Variants in ZC3H18 observed in about 807,000 individuals in gnomAD.
ZC3H18 encodes the protein zinc finger CCCH domain-containing protein 18.
ZC3H18 carries 8 observed loss-of-function variants against 106.1 expected under a neutral mutation model. The ratio of observed to expected loss-of-function variants is 0.08; its 90% CI spans 0.04 to 0.14. The LOEUF is 0.14. ZC3H18 is among the 10% of genes least tolerant of loss of function. ZC3H18 has a pLI of 1.00. For missense variants in ZC3H18, 1,318 were observed against 1,278.4 expected (o/e 1.03, Z -0.47); for synonymous variants, 635 against 522.1 (o/e 1.22, Z -2.95).
At chr16:88,576,807 AACT>A (rs1404982583) in intron 1 of ZC3H18, among the ~76,000 whole-genome samples, 2 of 152,330 alleles carry the variant, frequency 1.3e-5, no homozygotes, top group African/African-American at 2.4e-5. Context: ...ACTTTCTGTT[AACT>A]CGTGTGGGCT....
intron 2 of ZC3H18, among the ~76,000 whole-genome samples, chr16:88,580,241 T>C (rs1915042617): frequency 6.7e-6 from 1 of 149,938 alleles, no homozygotes; most frequent in Non-Finnish European, 1.5e-5. Flanking sequence ...CTGCTTCCCC[T>C]ATTCCCAAGA....
At chr16:88,609,634 C>CTT (rs950068567) in intron 7 of ZC3H18, among the ~76,000 whole-genome samples, 2 of 152,100 alleles carry the variant, frequency 1.3e-5, no homozygotes, top group African/African-American at 4.8e-5. Flanking sequence ...GAGTTTAACT[C>CTT]TGTCACCCAG....
chr16:88,623,704 C>G, intron 10 of ZC3H18: 2 of 611,568 alleles, frequency 3.3e-6, no homozygotes, highest in Non-Finnish European at 5.4e-6. Flanking sequence ...CTCCTCCTGT[C>G]CTGCACACAC....
intron 9 of ZC3H18, 42 bp from the exon 10 acceptor site, chr16:88,623,177 G>T: frequency 1.3e-6 from 2 of 1,599,748 alleles, no homozygotes; most frequent in Non-Finnish European, 8.5e-7. Flanking sequence ...GGCAGGGAGG[G>T]CCCTTCTCAC....
At chr16:88,625,155 G>A in intron 12 of ZC3H18, 47 bp from the exon 13 acceptor site, 1 of 1,552,844 alleles carries the variant, frequency 6.4e-7, no homozygotes, top group East Asian at 2.4e-5. Context: ...GCCGCGAGGG[G>A]CTGTGGAGGC....
In ZC3H18 at chr16:88,623,975, C is replaced by T. The variant is rs772268865; in HGVS notation, c.1811C>T (p.Ser604Leu). The T allele has an allele frequency of 6.6e-5, 106 of 1,611,992 alleles. No individual in the cohort carries two copies. The highest frequency in any genetic ancestry group is 4.3e-4 in the Admixed American group (26 of 59,832). Residue 604 changes from serine (S) to leucine (L), a missense_variant, in exon 11 of 18, where the codon TCG becomes TTG. This residue lies in a region of ZC3H18 where 848 missense variants were observed against 821.7 expected (regional missense o/e 1.03). Transcript: ENST00000301011. ...GSRSRSRSFS[S>L]SPSPSPTPSP... ...TCCCCTAGGTCCCGGTCCTTCTCTT[C>T]GTCCCCGTCCCCGTCCCCAACACCT...
rs1237825578 is a variant in ZC3H18 at position 88,623,229 on chromosome 16, C to T, written c.1678C>T (p.Arg560Trp). 6.2e-7 allele frequency: 1 copy of T among 1,613,048 alleles called. No individual in the cohort carries two copies. Among genetic ancestry groups the T allele is most frequent in the Non-Finnish European group, 8.5e-7 (1 of 1,179,926 alleles). The part of the protein sequence containing the change: ...SASNSSRSSS[R>W]SSSYSGSGSS... ...TCCCGCCCGCCCCAGGTCGTCTTCG[C>T]GGTCATCGTCCTACTCTGGCTCCGG... Residue 560 changes from arginine (R) to tryptophan (W), a missense_variant, in exon 10 of 18, where the codon CGG (arginine) becomes TGG (tryptophan). By Grantham distance (101) the Arg-to-Trp change is moderately radical (BLOSUM62 -3). Around this residue, in one of 6 missense-constraint regions of ZC3H18, gnomAD observed 848 missense variants for 821.7 expected, o/e 1.03. Transcript: ENST00000301011.
chr16:88,600,049 A>T (rs916228784), intron 6 of ZC3H18, 101 bp downstream of exon 6: 29 of 1,395,756 alleles, frequency 2.1e-5, no homozygotes, highest in Middle Eastern at 4.7e-4. Context: ...CTCGGCTGAG[A>T]CCCAGCCCCA....
At chr16:88,575,775 G>T (rs1289759804) in intron 1 of ZC3H18, among the ~76,000 whole-genome samples, 1 of 151,640 alleles carries the variant, frequency 6.6e-6, no homozygotes, top group Non-Finnish European at 1.5e-5. Context: ...GCACATTGAT[G>T]CAGTCTTGGC....
chr16:88,605,080 G>A (rs1904947003), intron 6 of ZC3H18, among the ~76,000 whole-genome samples: 3 of 152,242 alleles, frequency 2.0e-5, no homozygotes, highest in Admixed American at 2.0e-4. Context: ...TCAGGTAACA[G>A]GTCTACCAGA....
At chr16:88,581,688 G>T (rs945805833) in intron 2 of ZC3H18, among the ~76,000 whole-genome samples, 1 of 152,194 alleles carries the variant, frequency 6.6e-6, no homozygotes, top group East Asian at 1.9e-4. Context: ...AGAGAGCTGG[G>T]TGCAGCAGGC....
chr16:88,613,996 G>A (rs200051484), intron 8 of ZC3H18, among the ~76,000 whole-genome samples: 1 of 152,186 alleles, frequency 6.6e-6, no homozygotes, highest in Non-Finnish European at 1.5e-5. Flanking sequence ...TTGTGTCACC[G>A]TCCCCGTGGG....
At chr16:88,624,498 G>T in intron 11 of ZC3H18, 104 bp from the exon 12 acceptor site, 1 of 1,547,136 alleles carries the variant, frequency 6.5e-7, no homozygotes, top group Non-Finnish European at 8.8e-7. Context: ...AGCGTCACAG[G>T]CATGCAGTGT....
intron 8 of ZC3H18, among the ~76,000 whole-genome samples, chr16:88,617,290 C>T (rs371017493): frequency 9.5e-5 from 14 of 147,984 alleles, no homozygotes; most frequent in Admixed American, 6.8e-4. Context: ...CAGCTCCCCC[C>T]TGGACCTGCG....
chr16:88,586,925 C>T (rs1281988489), intron 3 of ZC3H18, among the ~76,000 whole-genome samples: 4 of 152,184 alleles, frequency 2.6e-5, no homozygotes, highest in Non-Finnish European at 5.9e-5. Context: ...TGGTCATTCT[C>T]ATTCTCACAC....
At position 88,622,560 on chromosome 16, in the gene ZC3H18, G is replaced by A. The variant is rs1906033151; in HGVS notation, c.1667+172G>A. 3 of 704,172 alleles carry A rather than the reference G, an allele frequency of 4.3e-6. No individual in the cohort carries two copies. The African/African-American group carries it at 5.4e-5, about 13-fold the overall frequency. 43.6% of individuals were successfully genotyped at this position (704,172 alleles called of 1,614,324 possible). On this transcript the variant is annotated intron_variant, in intron 9 of 17. Coordinates refer to ENST00000301011, the MANE Select transcript of ZC3H18 (RefSeq NM_144604.4). ...CCGGCGTTTATACCTTCAGCAAAGA[G>A]CATCAATGCCAAGTAGGACTGACGC... is the stretch of plus-strand genomic sequence containing the variant.
At position 88,631,438 on chromosome 16, in the gene ZC3H18, G is replaced by T; in HGVS notation, c.*139G>T. On this transcript the variant is annotated 3_prime_UTR_variant, in exon 18 of 18. Coordinates refer to ENST00000301011, the MANE Select transcript of ZC3H18 (RefSeq NM_144604.4). Reference sequence around the variant, plus strand: ...AAAAAAAAGTTTCTCAGCTGGAAAAGAAGCCACACAGGAAATGACAACGAC... The same window carrying T: ...AAAAAAAAGTTTCTCAGCTGGAAAATAAGCCACACAGGAAATGACAACGAC... 1.7e-6 allele frequency: 2 copies of T among 1,206,282 alleles called. No homozygotes were observed. Among genetic ancestry groups the T allele is most frequent in the East Asian group, 2.6e-5 (1 of 38,744 alleles). The allele number at this position is 1,206,282 out of a possible 1,614,324, so 74.7% of individuals were successfully genotyped here.
chr16:88,595,863 A>C (rs1904410187), intron 3 of ZC3H18, among the ~76,000 whole-genome samples: 2 of 152,198 alleles, frequency 1.3e-5, no homozygotes, highest in South Asian at 4.1e-4. Flanking sequence ...GAAGGCAAGA[A>C]AATAAAATCT....
intron 16 of ZC3H18, among the ~76,000 whole-genome samples, chr16:88,629,919 G>C (rs1906553574): frequency 6.6e-6 from 1 of 152,240 alleles, no homozygotes; most frequent in Admixed American, 6.5e-5. Flanking sequence ...GGAAGAGGAA[G>C]CTGCTCACCT....
Sources: gnomAD v4.1 joint callset for allele counts (sites outside exome capture counted in the v4.1 genomes callset) on GRCh38, gnomAD v4.1.1 for gene constraint, gnomAD v4.1.1 regional missense constraint, MANE v1.5 for transcripts, NCBI Gene and HGNC (gene_info 2026-07-23, HGNC 2026-07-21) for gene names.